The following RREB1 variants were observed in gnomAD, a reference collection of about 807,000 sequenced individuals.
RREB1 encodes ras-responsive element-binding protein 1.
Under a neutral mutation model 117.8 loss-of-function variants are expected in RREB1, and 27 were observed. That is an observed-to-expected ratio of 0.23 (90% CI 0.17 to 0.32). The LOEUF (loss-of-function observed/expected upper bound fraction) is 0.32, where lower values mean the gene tolerates loss of function less well. RREB1 is among the 10% of genes least tolerant of loss of function. The probability of loss-of-function intolerance (pLI) is 1.00; values close to 1 mark genes in which losing one functional copy is unlikely to be tolerated. For missense variants in RREB1, 2,577 were observed against 2,378.2 expected, an observed-to-expected ratio of 1.08 and a Z score of -1.74; for synonymous variants, 1,298 against 1,026.7, an observed-to-expected ratio of 1.26 and a Z score of -5.05.
chr6:7,133,527 G>T (rs1762236949), intron 1 of RREB1, among the ~76,000 whole-genome samples: 1 of 152,108 alleles, frequency 6.6e-6, no homozygotes, highest in Non-Finnish European at 1.5e-5. Context: ...TTTGAAATCA[G>T]CCTGGGCAAC....
chr6:7,185,514 G>C lies in RREB1; in HGVS notation c.172-1920G>C, dbSNP rs573736460. Among the ~76,000 whole-genome samples, 6 of 152,158 alleles carry C rather than the reference G, an allele frequency of 3.9e-5. No individual in the cohort carries two copies. In the South Asian group the frequency reaches 1.2e-3, roughly 32 times the overall value. On this transcript the variant is annotated intron_variant, in intron 4 of 12. Transcript: ENST00000379938. ...GAACCCGGGAGGCGGAGGTTGCAGT[G>C]AGCCAAGATCGTGCCACTGTACTCC...
At position 7,246,738 on chromosome 6, in the gene RREB1, G is replaced by A. The variant is rs1464919857; in HGVS notation, c.4288G>A (p.Ala1430Thr). 29 of 1,577,198 alleles carry A rather than the reference G, an allele frequency of 1.8e-5. No individual in the cohort carries two copies. The highest frequency in any genetic ancestry group is 2.5e-5 in the Non-Finnish European group (29 of 1,161,972). Residue 1430 changes from alanine to threonine, a missense_variant, in exon 12 of 13, where the codon GCG becomes ACG. Physicochemically the swap from Ala to Thr is moderately conservative, Grantham distance 58. Transcript: ENST00000379938. The part of the protein sequence containing the change: ...FATKLMDFKL[A>T]EGDGEAGAGG... ...CACCAAGCTCATGGACTTCAAGCTGGCGGAGGGCGACGGCGAGGCAGGCGC... is the reference window on the plus strand; with the variant it reads ...CACCAAGCTCATGGACTTCAAGCTGACGGAGGGCGACGGCGAGGCAGGCGC...
chr6:7,191,925 G>T (rs1765425203), intron 6 of RREB1, among the ~76,000 whole-genome samples: 1 of 152,040 alleles, frequency 6.6e-6, no homozygotes, highest in South Asian at 2.1e-4. Flanking sequence ...ATGTCAAATA[G>T]AAGTGAAGAG....
intron 1 of RREB1, chr6:7,108,686 C>CCCG (rs1760963935): frequency 6.6e-6 from 1 of 152,420 alleles, no homozygotes; most frequent in Admixed American, 6.5e-5. Context: ...CGCCCGCCCT[C>CCCG]CCGCCGCCGC....
At chr6:7,152,789 G>A (rs1035366225) in intron 1 of RREB1, among the ~76,000 whole-genome samples, 40 of 152,296 alleles carry the variant, frequency 2.6e-4, no homozygotes, top group African/African-American at 9.1e-4. Flanking sequence ...ATGTGTGTGT[G>A]TACACAAAGG....
intron 8 of RREB1, among the ~76,000 whole-genome samples, chr6:7,224,435 A>G (rs973598675): frequency 2.0e-5 from 3 of 152,024 alleles, no homozygotes; most frequent in Non-Finnish European, 2.9e-5. Context: ...TTTCAGTCCA[A>G]TATAGATCTT....
chr6:7,221,722 G>C (rs1421644019), intron 8 of RREB1, among the ~76,000 whole-genome samples: 1 of 152,234 alleles, frequency 6.6e-6, no homozygotes, highest in African/African-American at 2.4e-5. Flanking sequence ...AAGGGAGCAG[G>C]TGGGATGAGG....
In RREB1 at chr6:7,195,435, T is replaced by G. The variant is rs560407749; in HGVS notation, c.425+6113T>G. Among the ~76,000 whole-genome samples, 36 of 152,286 alleles carry G rather than the reference T, an allele frequency of 2.4e-4. No homozygotes were observed. In the South Asian group the frequency reaches 7.3e-3, roughly 31 times the overall value. ...GATTTATTTGCCCCGGTGGATCTGTTCCAGAATCTGAGACTCTAGTAGTGA... is the reference window on the plus strand; with the variant it reads ...GATTTATTTGCCCCGGTGGATCTGTGCCAGAATCTGAGACTCTAGTAGTGA... On this transcript the variant is annotated intron_variant, in intron 6 of 12. Coordinates refer to ENST00000379938, the MANE Select transcript of RREB1 (RefSeq NM_001003699.4).
At position 7,236,733 on chromosome 6, in the gene RREB1, GT is replaced by G. The variant is rs200944003; in HGVS notation, c.3809-3690del. On this transcript the variant is annotated intron_variant, in intron 10 of 12. Coordinates refer to ENST00000379938, the MANE Select transcript of RREB1 (RefSeq NM_001003699.4). ...AATGAACAGAAATGTTTTCAGTTCT[GT>G]TTTTTTTTTTTTTTATCTTGGAGGC... 5.1e-3 allele frequency among the ~76,000 whole-genome samples: 689 copies of G among 136,140 alleles called. 7 individuals are homozygous for G. Among genetic ancestry groups the G allele is most frequent in the Middle Eastern group, 0.011 (3 of 264 alleles). The allele number at this position is 136,140 out of a possible 152,430, so 89.3% of individuals were successfully genotyped here.
In RREB1 at chr6:7,246,665, C is replaced by T. The variant is rs1265382558; in HGVS notation, c.4215C>T (p.Gly1405=). Residue 1405 remains glycine (G), a synonymous_variant, in exon 12 of 13, where the codon GGC becomes GGT. Coordinates refer to ENST00000379938, the MANE Select transcript of RREB1 (RefSeq NM_001003699.4). ...GTEESTGDAD[G]AEEDASSNQS... is the part of the protein sequence containing the mutation. ...AGGAGAGCACTGGGGACGCCGACGGCGCGGAAGAGGACGCGTCGAGCAACC... is the reference window on the plus strand; with the variant it reads ...AGGAGAGCACTGGGGACGCCGACGGTGCGGAAGAGGACGCGTCGAGCAACC... 9 of 1,579,822 alleles carry T rather than the reference C, an allele frequency of 5.7e-6. No homozygotes were observed. The East Asian group carries it at 1.4e-4, about 25-fold the overall frequency.
chr6:7,248,412 C>T (rs554696981), intron 12 of RREB1, 99 bp from the exon 13 acceptor site: 31 of 1,035,176 alleles, frequency 3.0e-5, no homozygotes, highest in Admixed American at 1.7e-4. Context: ...CCTGGCCCCC[C>T]GCACATAGCC....
chr6:7,108,487 G>A (rs1033180148), intron 1 of RREB1: 3 of 152,042 alleles, frequency 2.0e-5, no homozygotes, highest in Admixed American at 6.5e-5. Flanking sequence ...CCGCGCCGCC[G>A]AGTTTATTTT....
intron 1 of RREB1, among the ~76,000 whole-genome samples, chr6:7,137,709 A>G (rs985167240): frequency 1.3e-5 from 2 of 151,552 alleles, no homozygotes; most frequent in African/African-American, 4.9e-5. Context: ...CCAGCACGTG[A>G]GAGTCGTGTC....
intron 1 of RREB1, among the ~76,000 whole-genome samples, chr6:7,113,309 A>G (rs1289141840): frequency 6.6e-6 from 1 of 152,096 alleles, no homozygotes; most frequent in African/African-American, 2.4e-5. Flanking sequence ...TAAATGCTCT[A>G]TTTGTTTTTC....
At chr6:7,109,835 G>A (rs1167885872) in intron 1 of RREB1, among the ~76,000 whole-genome samples, 2 of 152,132 alleles carry the variant, frequency 1.3e-5, no homozygotes, top group African/African-American at 4.8e-5. Context: ...TCCTGCTGCT[G>A]CTGCTTGTGA....
At chr6:7,179,827 C>A (rs556368163) in intron 2 of RREB1, among the ~76,000 whole-genome samples, 10 of 148,960 alleles carry the variant, frequency 6.7e-5, no homozygotes, top group Admixed American at 6.7e-4. Flanking sequence ...TTTAAAAAAT[C>A]TTTTGTAGAG....
intron 2 of RREB1, among the ~76,000 whole-genome samples, chr6:7,177,825 C>T (rs1561763419): frequency 6.6e-6 from 1 of 152,126 alleles, no homozygotes; most frequent in Non-Finnish European, 1.5e-5. Context: ...TGGGTTCAAG[C>T]GATTCTCCTA....
intron 1 of RREB1, among the ~76,000 whole-genome samples, chr6:7,171,133 G>C (rs1235306722): frequency 1.3e-5 from 2 of 152,202 alleles, no homozygotes; most frequent in African/African-American, 2.4e-5. Flanking sequence ...GATTCAGGCA[G>C]AGCCTCCTTT....
chr6:7,204,517 T>G (rs1271376612), intron 6 of RREB1, among the ~76,000 whole-genome samples: 6 of 152,194 alleles, frequency 3.9e-5, no homozygotes, highest in Non-Finnish European at 7.3e-5. Context: ...CCTCTTTGTT[T>G]ATCACAAAGC....
Sources: allele counts gnomAD v4.1 joint callset (sites outside exome capture counted in the v4.1 genomes callset), GRCh38; gene constraint gnomAD v4.1.1; transcripts MANE v1.5; gene names NCBI Gene and HGNC (gene_info 2026-07-23, HGNC 2026-07-21).